Variants in SOX5 observed in about 807,000 individuals in gnomAD.
SOX5 encodes the protein SRY-box transcription factor 5, also known as transcription factor SOX-5.
Under a neutral mutation model 92.0 loss-of-function variants are expected in SOX5, and 9 were observed. The observed-to-expected ratio is 0.10, with a 90% CI of 0.06 to 0.17. The LOEUF (loss-of-function observed/expected upper bound fraction) is 0.17, where lower values mean the gene tolerates loss of function less well. SOX5 is among the 10% of genes least tolerant of loss of function. SOX5 has a pLI of 1.00. For missense variants in SOX5, 642 were observed against 944.5 expected, an observed-to-expected ratio of 0.68 and a Z score of 4.20; for synonymous variants, 344 against 336.3, an observed-to-expected ratio of 1.02 and a Z score of -0.25.
intron 11 of SOX5, among the ~76,000 whole-genome samples, chr12:23,548,731 C>T (rs572519229): frequency 6.6e-6 from 1 of 151,956 alleles, no homozygotes; most frequent in Admixed American, 6.6e-5. Context: ...AATAATTGTC[C>T]TATAATTCCA....
At chr12:23,910,436 G>A (rs914689291) in intron 1 of SOX5, among the ~76,000 whole-genome samples, 1 of 152,044 alleles carries the variant, frequency 6.6e-6, no homozygotes, top group Non-Finnish European at 1.5e-5. Context: ...ATTTCCCGCA[G>A]GTTTAAATAC....
intron 1 of SOX5, among the ~76,000 whole-genome samples, chr12:24,435,379 T>A (rs1208789556): frequency 1.3e-5 from 2 of 152,234 alleles, no homozygotes; most frequent in African/African-American, 4.8e-5. Context: ...AAAGCTCTTA[T>A]TTTTTAAGTT....
In SOX5 at chr12:23,741,814, C is replaced by T. The variant is rs114062707; in HGVS notation, c.569-775G>A. Among the ~76,000 whole-genome samples, 1,167 of 152,132 alleles carry T rather than the reference C, an allele frequency of 7.7e-3. 21 individuals are homozygous for T. Among genetic ancestry groups the T allele is most frequent in the African/African-American group, 0.027 (1,127 of 41,494 alleles). ...TGGTCACGTAAGCTAATACATAAAT[C>T]CAAAATTTGGAGAAGTCATGGTAAT... On this transcript the variant is annotated intron_variant, in intron 4 of 14. Transcript: ENST00000451604.
At chr12:24,361,876 A>T (rs1437836543) in intron 2 of SOX5, among the ~76,000 whole-genome samples, 13 of 152,198 alleles carry the variant, frequency 8.5e-5, no homozygotes, top group Non-Finnish European at 1.9e-4. Context: ...CAGCAGCAAC[A>T]AGGTAGAATA....
intron 4 of SOX5, among the ~76,000 whole-genome samples, chr12:24,041,001 TAAC>T (rs1466295192): frequency 1.3e-5 from 2 of 152,180 alleles, no homozygotes; most frequent in East Asian, 3.8e-4. Flanking sequence ...ACTTTATAAA[TAAC>T]AAGCACTTAA....
intron 3 of SOX5, among the ~76,000 whole-genome samples, chr12:23,792,997 C>T (rs1189765840): frequency 6.6e-6 from 1 of 151,982 alleles, no homozygotes; most frequent in East Asian, 1.9e-4. Flanking sequence ...GAAATTTGGA[C>T]TTGATAGTCA....
intron 6 of SOX5, among the ~76,000 whole-genome samples, chr12:23,730,612 A>AT (rs1204345414): frequency 6.6e-6 from 1 of 152,212 alleles, no homozygotes; most frequent in East Asian, 1.9e-4. Context: ...AGAAATGTAG[A>AT]TTGAGTTTTT....
chr12:24,087,762 G>A (rs1944181965), intron 4 of SOX5, among the ~76,000 whole-genome samples: 1 of 134,838 alleles, frequency 7.4e-6, no homozygotes, highest in South Asian at 2.7e-4. Flanking sequence ...GGAGCAGATT[G>A]TTAAACATTT....
At chr12:23,743,419 C>T (rs1396553316) in intron 4 of SOX5, among the ~76,000 whole-genome samples, 1 of 152,078 alleles carries the variant, frequency 6.6e-6, no homozygotes, top group South Asian at 2.1e-4. Flanking sequence ...AAGCGATTCT[C>T]CTACCTCAGC....
At chr12:23,802,942 C>T (rs2095690903) in intron 3 of SOX5, among the ~76,000 whole-genome samples, 1 of 152,164 alleles carries the variant, frequency 6.6e-6, no homozygotes, top group Non-Finnish European at 1.5e-5. Flanking sequence ...GCTACTCCCG[C>T]CCCTCTTCCC....
chr12:23,711,867 A>G (rs1260336238), intron 6 of SOX5, among the ~76,000 whole-genome samples: 1 of 152,194 alleles, frequency 6.6e-6, no homozygotes, highest in East Asian at 1.9e-4. Flanking sequence ...CAAAGATGCT[A>G]TTAATATTTT....
intron 4 of SOX5, among the ~76,000 whole-genome samples, chr12:24,161,922 G>A (rs1209805680): frequency 6.6e-6 from 1 of 151,948 alleles, no homozygotes; most frequent in East Asian, 1.9e-4. Flanking sequence ...AACTCTAGAA[G>A]CAACCTAAGG....
At chr12:24,387,382 T>A (rs985003823) in intron 1 of SOX5, among the ~76,000 whole-genome samples, 2 of 152,216 alleles carry the variant, frequency 1.3e-5, no homozygotes, top group Non-Finnish European at 2.9e-5. Flanking sequence ...GCTCATCATC[T>A]ATCGTTAGTG....
At chr12:24,199,747 T>C (rs967027303) in intron 4 of SOX5, among the ~76,000 whole-genome samples, 11 of 152,054 alleles carry the variant, frequency 7.2e-5, no homozygotes, top group African/African-American at 2.7e-4. Flanking sequence ...TGCCTGCCAG[T>C]TGCAAATCCC....
chr12:24,190,970 A>G (rs1289367574), intron 4 of SOX5, among the ~76,000 whole-genome samples: 1 of 152,190 alleles, frequency 6.6e-6, no homozygotes, highest in Admixed American at 6.5e-5. Flanking sequence ...GAGAATGAGG[A>G]TTATGTTCTC....
intron 9 of SOX5, among the ~76,000 whole-genome samples, chr12:23,603,572 G>C (rs1015147890): frequency 2.7e-4 from 40 of 150,318 alleles, no homozygotes. Context: ...ACTGCTTTAC[G>C]ATCACTCTTC....
At chr12:24,127,707 C>G (rs953071904) in intron 4 of SOX5, among the ~76,000 whole-genome samples, 1 of 152,142 alleles carries the variant, frequency 6.6e-6, no homozygotes, top group Admixed American at 6.6e-5. Flanking sequence ...TAAAAAATCA[C>G]CACTCTCTTT....
intron 1 of SOX5, among the ~76,000 whole-genome samples, chr12:23,930,350 A>C (rs1941122623): frequency 6.6e-6 from 1 of 151,868 alleles, no homozygotes. Context: ...AAAAAATATA[A>C]ATATGCTCAG....
chr12:23,743,611 C>T (rs994669487), intron 4 of SOX5, among the ~76,000 whole-genome samples: 34 of 152,062 alleles, frequency 2.2e-4, no homozygotes, highest in African/African-American at 8.0e-4. Context: ...AAAATTTTTC[C>T]ACAATGGTTA....
Sources: allele counts gnomAD v4.1 joint callset (sites outside exome capture counted in the v4.1 genomes callset), GRCh38; gene constraint gnomAD v4.1.1; transcripts MANE v1.5; gene names NCBI Gene and HGNC (gene_info 2026-07-23, HGNC 2026-07-21).